Variants in ATP13A4 observed in about 807,000 individuals in gnomAD.
The protein encoded by ATP13A4 is ATPase 13A4, also known as probable cation-transporting ATPase 13A4.
A neutral mutation model predicts 142.5 loss-of-function variants in ATP13A4; 114 were observed. That is an observed-to-expected ratio of 0.80 (90% CI 0.69 to 0.93). The LOEUF (loss-of-function observed/expected upper bound fraction) is 0.93. Ranked by LOEUF, ATP13A4 falls within the 40% of genes least tolerant of loss-of-function variation. The pLI is 0.00. For missense variants in ATP13A4, 1,392 were observed against 1,454.0 expected, an observed-to-expected ratio of 0.96 and a Z score of 0.69; for synonymous variants, 488 against 514.8, an observed-to-expected ratio of 0.95 and a Z score of 0.70.
chr3:193,498,118 T>C (rs934503198), intron 3 of ATP13A4, among the ~76,000 whole-genome samples: 10 of 152,128 alleles, frequency 6.6e-5, no homozygotes, highest in South Asian at 2.1e-4. Context: ...GTGACAGATA[T>C]GCAAATATAC....
intron 12 of ATP13A4, among the ~76,000 whole-genome samples, chr3:193,464,384 T>C (rs1468399949): frequency 6.6e-6 from 1 of 151,986 alleles, no homozygotes; most frequent in Admixed American, 6.6e-5. Context: ...ATAAATACAA[T>C]AAAAAGACGG....
chr3:193,517,637 C>A (rs936975909), intron 1 of ATP13A4, among the ~76,000 whole-genome samples: 1 of 152,050 alleles, frequency 6.6e-6, no homozygotes, highest in Non-Finnish European at 1.5e-5. Context: ...CCCGCCACCA[C>A]GCCCGGCTAA....
At chr3:193,439,366 GGC>G (rs1269863270) in intron 21 of ATP13A4, among the ~76,000 whole-genome samples, 2 of 152,168 alleles carry the variant, frequency 1.3e-5, no homozygotes, top group Non-Finnish European at 2.9e-5. Flanking sequence ...AGTTTGGCAT[GGC>G]AGAGAGGGCA....
At position 193,484,004 on chromosome 3, in the gene ATP13A4, T is replaced by C; in HGVS notation, c.740A>G (p.Gln247Arg). 10 of 1,607,042 alleles carry C rather than the reference T, an allele frequency of 6.2e-6. No homozygotes were observed. The highest frequency in any genetic ancestry group is 8.5e-6 in the Non-Finnish European group (10 of 1,173,760). The change falls in exon 8 of 30, where the codon CAA (glutamine) becomes CGA (arginine). Residue 247 changes from glutamine to arginine, a missense_variant and splice_region_variant. Gln to Arg is a conservative substitution (Grantham distance 43, BLOSUM62 1). Coordinates refer to ENST00000342695, the MANE Select transcript of ATP13A4 (RefSeq NM_032279.4). ...GACGAGATGGTGGAGTTTTACAGAT[T>C]GCTGAAAAAGAAGGAAAAATGGAAA... is the stretch of plus-strand genomic sequence containing the variant. ...ISLTVYDLREQSVKLHHLVES... is the reference protein window; with the variant it reads ...ISLTVYDLRERSVKLHHLVES...
chr3:193,459,156 G>A lies in ATP13A4; in HGVS notation c.1599C>T (p.Cys533=). 1 of 1,614,190 alleles carries A rather than the reference G, an allele frequency of 6.2e-7. No homozygotes were observed. The highest frequency in any genetic ancestry group is 8.5e-7 in the Non-Finnish European group (1 of 1,180,028). Reference sequence around the variant, plus strand: ...TCCCATCAAGAAGGATCAGAGAGTGGCAGCTGGCCATCGCTGCACACAGTG... The same window carrying A: ...TCCCATCAAGAAGGATCAGAGAGTGACAGCTGGCCATCGCTGCACACAGTG... ...WGPLCAAMAS[C]HSLILLDGTI... Residue 533 remains cysteine (C), a synonymous_variant, in exon 14 of 30, where the codon TGC becomes TGT. Coordinates refer to ENST00000342695, the MANE Select transcript of ATP13A4 (RefSeq NM_032279.4).
At chr3:193,440,721 G>T in intron 20 of ATP13A4, 84 bp from the exon 21 acceptor site, 3 of 1,388,914 alleles carry the variant, frequency 2.2e-6, no homozygotes, top group Non-Finnish European at 3.1e-6. Flanking sequence ...AATGTTGACT[G>T]CATCATGACA....
intron 1 of ATP13A4, among the ~76,000 whole-genome samples, chr3:193,516,296 A>G (rs1220207749): frequency 6.6e-6 from 1 of 152,250 alleles, no homozygotes; most frequent in African/African-American, 2.4e-5. Flanking sequence ...ATTCCTTTCT[A>G]CTATTAGCAA....
chr3:193,458,099 T>C (rs1717743415), intron 14 of ATP13A4, among the ~76,000 whole-genome samples: 2 of 152,136 alleles, frequency 1.3e-5, no homozygotes, highest in Admixed American at 1.3e-4. Flanking sequence ...AGATGGAGGA[T>C]TGGCAAAGTT....
chr3:193,412,123 G>T, intron 27 of ATP13A4, 55 bp downstream of exon 27: 1 of 1,484,896 alleles, frequency 6.7e-7, no homozygotes, highest in Non-Finnish European at 9.4e-7. Context: ...ACCTGGACAT[G>T]TCTGTTCCCC....
chr3:193,511,168 T>G (rs1172319865), intron 2 of ATP13A4, among the ~76,000 whole-genome samples: 1 of 152,042 alleles, frequency 6.6e-6, no homozygotes, highest in East Asian at 1.9e-4. Context: ...AAAGTTGAAA[T>G]CAAGATGAAA....
At chr3:193,525,051 G>T (rs1176884714) in intron 1 of ATP13A4, among the ~76,000 whole-genome samples, 1 of 152,202 alleles carries the variant, frequency 6.6e-6, no homozygotes, top group Non-Finnish European at 1.5e-5. Flanking sequence ...GCTTCAGTTT[G>T]TCTGTTCAAA....
Position 193,503,995 on chromosome 3 carries a change from A to ATGTGTGTGTGTGTGTG in ATP13A4, c.235-1372_235-1357dup, listed in dbSNP as rs554927410. Among the ~76,000 whole-genome samples, 710 of 136,098 alleles carry ATGTGTGTGTGTGTGTG rather than the reference A, an allele frequency of 5.2e-3. 6 individuals carry two copies. Among genetic ancestry groups the ATGTGTGTGTGTGTGTG allele is most frequent in the African/African-American group, 0.018 (648 of 35,572 alleles). The allele number at this position is 136,098 out of a possible 152,430, so 89.3% of individuals were successfully genotyped here. A position where few individuals can be genotyped will look rare whatever the true frequency, so the allele number is the denominator to read the frequency against. ...CAGGCTTAGCACAGGTTCTGTGTGCATGTGTGTGTGTGTGTGTGTGTGTGT... is the reference window on the plus strand; with the variant it reads ...CAGGCTTAGCACAGGTTCTGTGTGCATGTGTGTGTGTGTGTGTGTGTGTGTGTGTGTGTGTGTGTGT... On this transcript the variant is annotated intron_variant, in intron 2 of 29. Coordinates refer to ENST00000342695, the MANE Select transcript of ATP13A4 (RefSeq NM_032279.4).
intron 25 of ATP13A4, among the ~76,000 whole-genome samples, chr3:193,429,649 T>C (rs1715863802): frequency 6.6e-6 from 1 of 152,030 alleles, no homozygotes; most frequent in East Asian, 1.9e-4. Context: ...ATTGCTTTAA[T>C]GGATAGAGTA....
chr3:193,557,027 G>A (rs1295585286), upstream of ATP13A4, among the ~76,000 whole-genome samples: 1 of 152,098 alleles, frequency 6.6e-6, no homozygotes, highest in Non-Finnish European at 1.5e-5. Context: ...CCTTTTGGCT[G>A]GGTTCCTGAA....
At chr3:193,409,641 A>G (rs1213443768) in intron 28 of ATP13A4, among the ~76,000 whole-genome samples, 2 of 152,242 alleles carry the variant, frequency 1.3e-5, no homozygotes, top group African/African-American at 4.8e-5. Context: ...TAATTCACGA[A>G]GGCACTTAAC....
At chr3:193,562,060 ATC>A (rs1724028704) in intron 2 of ATP13A4, among the ~76,000 whole-genome samples, 1 of 152,080 alleles carries the variant, frequency 6.6e-6, no homozygotes, top group African/African-American at 2.4e-5. Flanking sequence ...GTTTGTTCAT[ATC>A]TCATTGACCC....
intron 7 of ATP13A4, among the ~76,000 whole-genome samples, chr3:193,486,960 A>C (rs1719664613): frequency 6.6e-6 from 1 of 152,252 alleles, no homozygotes; most frequent in African/African-American, 2.4e-5. Flanking sequence ...TTTTTGGAAG[A>C]TTACACAAGA....
At chr3:193,531,329 A>AGGGAG (rs1405186776) in intron 1 of ATP13A4, among the ~76,000 whole-genome samples, 6,571 of 114,762 alleles carry the variant, frequency 0.057, 505 homozygotes, top group Non-Finnish European at 0.073. Flanking sequence ...GAAGGAAGGA[A>AGGGAG]GGAAGGAAGG....
intron 7 of ATP13A4, among the ~76,000 whole-genome samples, chr3:193,488,405 C>T (rs1288302499): frequency 6.6e-6 from 1 of 152,122 alleles, no homozygotes; most frequent in East Asian, 1.9e-4. Flanking sequence ...TATCTTGAAA[C>T]AGGACCTGAA....
Sources: gnomAD v4.1 joint callset for allele counts (sites outside exome capture counted in the v4.1 genomes callset) on GRCh38, gnomAD v4.1.1 for gene constraint, MANE v1.5 for transcripts, NCBI Gene and HGNC (gene_info 2026-07-23, HGNC 2026-07-21) for gene names.